NKAIN4: variants seen among roughly 807,000 people sequenced by gnomAD.
The protein encoded by NKAIN4 is sodium/potassium-transporting ATPase subunit beta-1-interacting protein 4.
In NKAIN4, 28 loss-of-function variants were observed where a neutral mutation model predicts 28.8. The observed-to-expected ratio is 0.97, with a 90% CI of 0.72 to 1.33. The LOEUF (loss-of-function observed/expected upper bound fraction) is 1.33. Among genes scored for constraint, NKAIN4 ranks in the 40% most tolerant of loss-of-function variants. The probability of loss-of-function intolerance (pLI) is 0.00; values close to 1 mark genes in which losing one functional copy is unlikely to be tolerated. For synonymous variants in NKAIN4, 122 were observed against 115.6 expected (o/e 1.06, Z -0.36); for missense variants, 289 against 277.2 (o/e 1.04, Z -0.30).
Position 63,242,711 on chromosome 20 carries a change from C to T in NKAIN4, c.533-88G>A, listed in dbSNP as rs1233828711. Reference sequence around the variant, plus strand: ...AAACAAGCCCAACCAGACAAAGAAGCCCAAGGGGTCCCTGGGGGCACAGAC... The same window carrying T: ...AAACAAGCCCAACCAGACAAAGAAGTCCAAGGGGTCCCTGGGGGCACAGAC... On this transcript the variant is annotated intron_variant, in intron 5 of 6. Coordinates refer to ENST00000370316, the MANE Select transcript of NKAIN4 (RefSeq NM_152864.4). 9.9e-6 allele frequency: 10 copies of T among 1,007,046 alleles called. No homozygotes were observed. In the African/African-American group the frequency reaches 1.3e-4, roughly 13 times the overall value. 62.4% of individuals were successfully genotyped at this position (1,007,046 alleles called of 1,614,324 possible).
rs2066838755 is a variant in NKAIN4 at position 63,245,452 on chromosome 20, G to A, written c.472-1368C>T. Among the ~76,000 whole-genome samples the A allele has an allele frequency of 6.6e-6, 1 of 151,998 alleles. No individual in the cohort carries two copies. The highest frequency in any genetic ancestry group is 2.1e-4 in the South Asian group (1 of 4,830). On this transcript the variant is annotated intron_variant, in intron 4 of 6. Transcript: ENST00000370316. The surrounding 1 kb of genome is among the most constrained non-coding windows in gnomAD (Gnocchi z 4.7). ...CTTCCAGCCGGTGCCCTCCTGCCTGGGGACCTGCAGGCCACCTCTGTCCCA... is the reference window on the plus strand; with the variant it reads ...CTTCCAGCCGGTGCCCTCCTGCCTGAGGACCTGCAGGCCACCTCTGTCCCA...
chr20:63,254,584 G>A (rs1296380594), upstream of NKAIN4: 1 of 501,382 alleles, frequency 2.0e-6, no homozygotes, highest in East Asian at 4.1e-5. Flanking sequence ...CGCAACCCCC[G>A]GCCCAGCCCC....
Position 63,253,580 on chromosome 20 carries a change from C to CCG in NKAIN4, c.54+816_54+817insCG, listed in dbSNP as rs1452738814. The stretch of plus-strand genomic sequence containing the variant: ...CTTTTTAAGACGGGAGACCCAGGGC[C>CCG]AATTAGCATCGAAGCAAAGCAGCTT... On this transcript the variant is annotated intron_variant, in intron 1 of 6. Coordinates refer to ENST00000370316, the MANE Select transcript of NKAIN4 (RefSeq NM_152864.4). 3.5e-5 allele frequency: 32 copies of CCG among 908,660 alleles called. No homozygotes were observed. The East Asian group carries it at 3.7e-3, about 104-fold the overall frequency. 56.3% of individuals were successfully genotyped at this position (908,660 alleles called of 1,614,324 possible).
chr20:63,242,961 C>T (rs6010881), intron 5 of NKAIN4, among the ~76,000 whole-genome samples: 149,407 of 150,898 alleles, frequency 0.99, 73,981 homozygotes, highest in Middle Eastern at 1. Flanking sequence ...ACAGTGGGGT[C>T]AGGACAGCCC....
chr20:63,250,587 G>C (rs1176996482), intron 1 of NKAIN4, among the ~76,000 whole-genome samples: 2 of 133,676 alleles, frequency 1.5e-5, no homozygotes, highest in African/African-American at 5.0e-5. Flanking sequence ...CTTGGGGACA[G>C]GGCTGGTGAG....
intron 2 of NKAIN4, 36 bp downstream of exon 2, chr20:63,249,899 C>T: frequency 6.3e-7 from 1 of 1,589,602 alleles, no homozygotes; most frequent in South Asian, 1.1e-5. Flanking sequence ...CACCTCAACC[C>T]ACCTGCCCAT....
Position 63,247,789 on chromosome 20 carries a change from G to A in NKAIN4, c.274-14C>T. 7.0e-7 allele frequency: 1 copy of A among 1,438,558 alleles called. No homozygotes were observed. The allele number at this position is 1,438,558 out of a possible 1,614,324, so 89.1% of individuals were successfully genotyped here. A position where few individuals can be genotyped will look rare whatever the true frequency, so the allele number is the denominator to read the frequency against. On this transcript the variant is annotated splice_polypyrimidine_tract_variant and intron_variant, in intron 3 of 6. Transcript: ENST00000370316. ...TAGCTCGCTGTCCTAGGGGAGAGGT[G>A]CAGGAGCAGGGCCGGTTAGCACCAG... is the stretch of plus-strand genomic sequence containing the variant.
chr20:63,250,016 G>A lies in NKAIN4; in HGVS notation c.111C>T (p.Ile37=). ...FDFLGYQWAP[I]LANFVHIIIV... ...TGATGATGTGGACAAAGTTGGCCAG[G>A]ATGGGCGCCCACTGGTAGCCCAGGA... Residue 37 remains isoleucine (I), a synonymous_variant, in exon 2 of 7, where the codon ATC becomes ATT. Transcript: ENST00000370316. 1 of 1,609,612 alleles carries A rather than the reference G, an allele frequency of 6.2e-7. No homozygotes were observed. Among genetic ancestry groups the A allele is most frequent in the South Asian group, 1.1e-5 (1 of 90,498 alleles).
rs1197233645 is a variant in NKAIN4 at position 63,245,494 on chromosome 20, G to A, written c.472-1410C>T. Among the ~76,000 whole-genome samples the A allele has an allele frequency of 2.0e-5, 3 of 151,776 alleles. No individual in the cohort carries two copies. The highest frequency in any genetic ancestry group is 4.8e-5 in the African/African-American group (2 of 41,270). ...TCTGTCCCACACCCCCATGCTCCCC[G>A]CCCTGCACACCACCGCCTCCTGCCC... On this transcript the variant is annotated intron_variant, in intron 4 of 6. Transcript: ENST00000370316. This position sits in a 1 kb window ranked among gnomAD's most constrained non-coding sequence, Gnocchi z 4.7.
In NKAIN4 at chr20:63,242,214, G is replaced by A. The variant is rs565169756; in HGVS notation, c.617+325C>T. Among the ~76,000 whole-genome samples the A allele has an allele frequency of 1.3e-4, 20 of 152,140 alleles. No homozygotes were observed. In the East Asian group the frequency reaches 1.5e-3, roughly 12 times the overall value. ...GAGACCCCTACAGCACCCCCATGCC[G>A]CCTGCTGGGAAGTGGCTCTTCAGGA... On this transcript the variant is annotated intron_variant, in intron 6 of 6. Coordinates refer to ENST00000370316, the MANE Select transcript of NKAIN4 (RefSeq NM_152864.4).
intron 4 of NKAIN4, 138 bp from the exon 5 acceptor site, chr20:63,244,222 G>A: frequency 1.4e-6 from 1 of 707,824 alleles, no homozygotes; most frequent in East Asian, 2.7e-5. Flanking sequence ...TTCCTCCTCT[G>A]TGACTTGGAG....
intron 1 of NKAIN4, chr20:63,254,091 C>G (rs936110812): frequency 1.2e-4 from 48 of 404,692 alleles, no homozygotes; most frequent in African/African-American, 9.3e-4. Context: ...CCAGGCGGCC[C>G]CGCCCGAAGG....
In NKAIN4 at chr20:63,254,435, C is replaced by T. The variant is rs746592842; in HGVS notation, c.16G>A (p.Gly6Ser). The change falls in exon 1 of 7, where the codon GGC becomes AGC. Residue 6 changes from glycine to serine, a missense_variant. Physicochemically the swap from Gly to Ser is moderately conservative, Grantham distance 56. Transcript: ENST00000370316. MGSCSGRCALVVLCAF... is the reference protein window; with the variant it reads MGSCSSRCALVVLCAF... ...CAGAGGACGACGAGCGCGCAGCGGC[C>T]GGAGCAGGAGCCCATGGTGCCCGCC... 61 of 1,430,020 alleles carry T rather than the reference C, an allele frequency of 4.3e-5. No individual in the cohort carries two copies. The South Asian group carries it at 8.0e-4, about 19-fold the overall frequency. 88.6% of individuals were successfully genotyped at this position (1,430,020 alleles called of 1,614,324 possible). A position where few individuals can be genotyped will look rare whatever the true frequency, so the allele number is the denominator to read the frequency against.
At position 63,253,103 on chromosome 20, in the gene NKAIN4, G is replaced by C. The variant is rs561165524; in HGVS notation, c.54+1294C>G. 4.1e-4 allele frequency: 244 copies of C among 598,932 alleles called. 1 individual carries two copies. The African/African-American group carries it at 4.5e-3, about 11-fold the overall frequency. The allele number at this position is 598,932 out of a possible 1,614,324, so 37.1% of individuals were successfully genotyped here. A position where few individuals can be genotyped will look rare whatever the true frequency, so the allele number is the denominator to read the frequency against. Reference sequence around the variant, plus strand: ...CCAGGCTGGTGCCTGTCCTTCATGAGGTCATCCGACGGGCACTGGAGTCTT... The same window carrying C: ...CCAGGCTGGTGCCTGTCCTTCATGACGTCATCCGACGGGCACTGGAGTCTT... On this transcript the variant is annotated intron_variant, in intron 1 of 6. Transcript: ENST00000370316.
intron 6 of NKAIN4, among the ~76,000 whole-genome samples, chr20:63,242,248 C>G (rs559478538): frequency 6.6e-6 from 1 of 152,122 alleles, no homozygotes; most frequent in Admixed American, 6.5e-5. Context: ...GACACCCTTG[C>G]GGCCCCCGAC....
chr20:63,246,401 C>T (rs969583648), intron 4 of NKAIN4, among the ~76,000 whole-genome samples: 2 of 152,192 alleles, frequency 1.3e-5, no homozygotes, highest in African/African-American at 4.8e-5. Flanking sequence ...GAAACAGGCC[C>T]CGACTGGAGC....
intron 6 of NKAIN4, 113 bp downstream of exon 6, chr20:63,242,426 T>C: frequency 1.3e-6 from 1 of 763,622 alleles, no homozygotes; most frequent in Non-Finnish European, 2.3e-6. Flanking sequence ...GACGGATGGA[T>C]GGCAGAACGG....
At chr20:63,246,208 G>A (rs939889317) in intron 4 of NKAIN4, among the ~76,000 whole-genome samples, 1 of 152,206 alleles carries the variant, frequency 6.6e-6, no homozygotes, top group Non-Finnish European at 1.5e-5. Context: ...GATTACAGGT[G>A]TGAGCCACCG....
chr20:63,248,508 C>A, intron 3 of NKAIN4: 1 of 329,532 alleles, frequency 3.0e-6, no homozygotes, highest in South Asian at 3.5e-5. Flanking sequence ...GGGTGGTGTC[C>A]ATTCACCTGC....
Sources: allele counts gnomAD v4.1 joint callset (sites outside exome capture counted in the v4.1 genomes callset), GRCh38; gene constraint gnomAD v4.1.1; non-coding constraint Gnocchi (gnomAD v3.1); transcripts MANE v1.5; gene names NCBI Gene and HGNC (gene_info 2026-07-23, HGNC 2026-07-21).